The following PRRX2 variants were observed in gnomAD, a reference collection of about 807,000 sequenced individuals.
PRRX2 encodes paired mesoderm homeobox protein 2.
A neutral mutation model predicts 18.0 loss-of-function variants in PRRX2; 11 were observed. The ratio of observed to expected loss-of-function variants is 0.61; its 90% CI spans 0.39 to 1.01. The LOEUF (loss-of-function observed/expected upper bound fraction) is 1.01. PRRX2 is among the 50% of genes least tolerant of loss of function. PRRX2 has a pLI of 0.01. For synonymous variants in PRRX2, 177 were observed against 154.8 expected, an observed-to-expected ratio of 1.14 and a Z score of -1.06; for missense variants, 387 against 351.0, an observed-to-expected ratio of 1.10 and a Z score of -0.82.
intron 1 of PRRX2, among the ~76,000 whole-genome samples, chr9:129,697,034 A>G (rs977752972): frequency 8.5e-5 from 13 of 152,246 alleles, no homozygotes; most frequent in African/African-American, 2.4e-4. Context: ...GGACGGTAGC[A>G]GCAGTACCTG....
chr9:129,711,399 C>A, intron 1 of PRRX2, among the ~76,000 whole-genome samples: 2 of 85,044 alleles, frequency 2.4e-5, no homozygotes. Context: ...GTGAGATTCT[C>A]TTTTTTTTTT....
intron 1 of PRRX2, among the ~76,000 whole-genome samples, chr9:129,702,825 G>C (rs3887161): frequency 0.044 from 6,691 of 152,320 alleles, 426 homozygotes; most frequent in East Asian, 0.35. Context: ...TAAGAAATGC[G>C]GAAGATGTGG....
intron 1 of PRRX2, among the ~76,000 whole-genome samples, chr9:129,702,499 C>T (rs1832510578): frequency 6.6e-6 from 1 of 152,034 alleles, no homozygotes; most frequent in Non-Finnish European, 1.5e-5. Flanking sequence ...GGATATTGAG[C>T]CCTTGAAATG....
intron 1 of PRRX2, among the ~76,000 whole-genome samples, chr9:129,679,244 C>T (rs1370428353): frequency 6.6e-6 from 1 of 152,164 alleles, no homozygotes; most frequent in Non-Finnish European, 1.5e-5. Flanking sequence ...GGAAGGAAGG[C>T]CATCCCAGGC....
At chr9:129,681,413 G>A (rs1394788323) in intron 1 of PRRX2, among the ~76,000 whole-genome samples, 4 of 152,156 alleles carry the variant, frequency 2.6e-5, no homozygotes, top group Admixed American at 1.3e-4. Flanking sequence ...CCAGCTACTC[G>A]GGAGGCTGAG....
intron 1 of PRRX2, among the ~76,000 whole-genome samples, chr9:129,681,095 C>A (rs1832223612): frequency 6.6e-6 from 1 of 152,242 alleles, no homozygotes; most frequent in African/African-American, 2.4e-5. Context: ...TGCACTCGCA[C>A]CCACACTCTG....
chr9:129,673,108 C>A (rs990075740), intron 1 of PRRX2, among the ~76,000 whole-genome samples: 2 of 152,188 alleles, frequency 1.3e-5, no homozygotes, highest in African/African-American at 4.8e-5. Flanking sequence ...TATGTTCCCA[C>A]CCTTTCATCC....
chr9:129,692,601 A>G (rs866203179), intron 1 of PRRX2, among the ~76,000 whole-genome samples: 6 of 152,016 alleles, frequency 3.9e-5, no homozygotes, highest in Non-Finnish European at 8.8e-5. Flanking sequence ...CCCTTTTACT[A>G]TCTCCAAAGA....
chr9:129,685,760 G>T (rs1332703261), intron 1 of PRRX2, among the ~76,000 whole-genome samples: 1 of 152,214 alleles, frequency 6.6e-6, no homozygotes, highest in Non-Finnish European at 1.5e-5. Context: ...AGACTTAAGG[G>T]CGTGGTTTGT....
In PRRX2 at chr9:129,720,630, G is replaced by A; in HGVS notation, c.482G>A (p.Arg161Lys). ...CAGAACCGCCGCGCCAAGTTCCGCA[G>A]GAATGAAAGGGCCATGCTGGCCAGC... ...WFQNRRAKFR[R>K]NERAMLASRS... The change falls in exon 3 of 4, where the codon AGG becomes AAG. Residue 161 changes from arginine (R) to lysine (K), a missense_variant. Coordinates refer to ENST00000372469, the MANE Select transcript of PRRX2 (RefSeq NM_016307.4). 6.2e-7 allele frequency: 1 copy of A among 1,612,972 alleles called. No homozygotes were observed. The highest frequency in any genetic ancestry group is 8.5e-7 in the Non-Finnish European group (1 of 1,179,416).
At chr9:129,717,073 G>A (rs1221714112) in intron 1 of PRRX2, among the ~76,000 whole-genome samples, 1 of 151,822 alleles carries the variant, frequency 6.6e-6, no homozygotes, top group Admixed American at 6.6e-5. Context: ...TTGAGACAGA[G>A]TATTGCTCTG....
At chr9:129,689,483 A>C (rs1261651254) in intron 1 of PRRX2, among the ~76,000 whole-genome samples, 3 of 152,192 alleles carry the variant, frequency 2.0e-5, no homozygotes, top group African/African-American at 7.2e-5. Context: ...CACCAATACC[A>C]ACCCTGTAAG....
At chr9:129,713,623 CTTT>C (rs900418720) in intron 1 of PRRX2, among the ~76,000 whole-genome samples, 1 of 151,492 alleles carries the variant, frequency 6.6e-6, no homozygotes, top group Non-Finnish European at 1.5e-5. Context: ...CGATTTCTTC[CTTT>C]TTTTTCTTTC....
rs989198320 is a variant in PRRX2 at position 129,709,775 on chromosome 9, C to G, written c.260-9456C>G. On this transcript the variant is annotated intron_variant, in intron 1 of 3. Coordinates refer to ENST00000372469, the MANE Select transcript of PRRX2 (RefSeq NM_016307.4). This position sits in a 1 kb window ranked among gnomAD's most constrained non-coding sequence, Gnocchi z 4.2. ...GTGGCTGGTGGTGGCCGGCCTCCCC[C>G]AGCCTCTTCCTCACTCGGAGGACGT... Among the ~76,000 whole-genome samples, 1 of 152,126 alleles carries G rather than the reference C, an allele frequency of 6.6e-6. No individual in the cohort carries two copies. The highest frequency in any genetic ancestry group is 1.5e-5 in the Non-Finnish European group (1 of 68,006).
intron 1 of PRRX2, among the ~76,000 whole-genome samples, chr9:129,705,606 C>T (rs1458594900): frequency 5.9e-5 from 9 of 151,826 alleles, no homozygotes; most frequent in African/African-American, 1.2e-4. Flanking sequence ...CTGCCCGCCT[C>T]GGCCTCCCAA....
chr9:129,690,131 C>T (rs954374401), intron 1 of PRRX2, among the ~76,000 whole-genome samples: 11 of 152,148 alleles, frequency 7.2e-5, no homozygotes, highest in African/African-American at 1.7e-4. Flanking sequence ...GGCCCTGTCC[C>T]ACCCTGCTGC....
chr9:129,703,989 C>A (rs749265041), intron 1 of PRRX2, among the ~76,000 whole-genome samples: 6 of 152,232 alleles, frequency 3.9e-5, no homozygotes, highest in Non-Finnish European at 8.8e-5. Context: ...CAAGAGGGGG[C>A]AGAGGGGCAG....
chr9:129,666,186 C>CCGGGGA, intron 1 of PRRX2, 60 bp downstream of exon 1: 2 of 967,348 alleles, frequency 2.1e-6, no homozygotes, highest in Non-Finnish European at 2.5e-6. Flanking sequence ...GGGGCCGGGG[C>CCGGGGA]GCGGGGTCCG....
In PRRX2 at chr9:129,665,922, C is replaced by T; in HGVS notation, c.55C>T (p.Pro19Ser). Residue 19 changes from proline to serine, a missense_variant, in exon 1 of 4, where the codon CCG becomes TCG. Pro to Ser is a moderately conservative substitution (Grantham distance 74, BLOSUM62 -1). Coordinates refer to ENST00000372469, the MANE Select transcript of PRRX2 (RefSeq NM_016307.4). This position sits in a 1 kb window ranked among gnomAD's most constrained non-coding sequence, Gnocchi z 5.3. ...GGACAAGCCGGCGCTGGGCCCGGGG[C>T]CGCCGCCGCCTCCACCCGCGCTGGG... ...ALDKPALGPG[P>S]PPPPPALGPG... The T allele has an allele frequency of 1.8e-6, 2 of 1,113,674 alleles. No individual in the cohort carries two copies. The highest frequency in any genetic ancestry group is 5.4e-5 in the South Asian group (2 of 37,242). 69.0% of individuals were successfully genotyped at this position (1,113,674 alleles called of 1,614,324 possible). A position where few individuals can be genotyped will look rare whatever the true frequency, so the allele number is the denominator to read the frequency against.
Sources: gnomAD v4.1 joint callset for allele counts (sites outside exome capture counted in the v4.1 genomes callset) on GRCh38, gnomAD v4.1.1 for gene constraint, Gnocchi (gnomAD v3.1) non-coding constraint, MANE v1.5 for transcripts, NCBI Gene and HGNC (gene_info 2026-07-23, HGNC 2026-07-21) for gene names.